EYA3: variants seen among roughly 807,000 people sequenced by gnomAD.
EYA3 encodes protein phosphatase EYA3.
In EYA3, 39 loss-of-function variants were observed where a neutral mutation model predicts 80.0. The observed-to-expected ratio is 0.49, with a 90% CI of 0.38 to 0.64. The LOEUF (loss-of-function observed/expected upper bound fraction) is 0.64. Among genes scored for constraint, EYA3 ranks in the 30% least tolerant of loss-of-function variants. The pLI is 0.00. For missense variants in EYA3, 523 were observed against 676.1 expected (o/e 0.77, Z 2.51); for synonymous variants, 206 against 232.8 (o/e 0.88, Z 1.05).
chr1:28,044,401 T>C (rs755068782), intron 3 of EYA3, among the ~76,000 whole-genome samples: 4 of 152,242 alleles, frequency 2.6e-5, no homozygotes, highest in Non-Finnish European at 5.9e-5. Flanking sequence ...CTAATAAGTT[T>C]ACATTTAGAG....
In EYA3 at chr1:28,017,224, G is replaced by C. The variant is rs1456424686; in HGVS notation, c.515C>G (p.Ala172Gly). The C allele has an allele frequency of 1.9e-6, 3 of 1,613,544 alleles. No homozygotes were observed. In the Admixed American group the frequency reaches 5.0e-5, roughly 27 times the overall value. Residue 172 changes from alanine to glycine, a missense_variant, in exon 8 of 18, where the codon GCC becomes GGC. Ala to Gly is a moderately conservative substitution (Grantham distance 60). Transcript: ENST00000373871. Reference protein sequence around the residue: ...SYPIQASSTNASLISTSSTIA... With the variant: ...SYPIQASSTNGSLISTSSTIA... ...TGTAGAAGAAGTAGATATCAGGCTG[G>C]CATTTGTGCTTGAAGCTAGAGGATT...
intron 3 of EYA3, among the ~76,000 whole-genome samples, chr1:28,045,614 G>A (rs2148870570): frequency 6.6e-6 from 1 of 152,168 alleles, no homozygotes; most frequent in African/African-American, 2.4e-5. Context: ...AGAATAAATA[G>A]AAACAACAGC....
intron 16 of EYA3, among the ~76,000 whole-genome samples, chr1:27,983,837 T>C (rs1639471682): frequency 6.6e-6 from 1 of 152,338 alleles, no homozygotes; most frequent in South Asian, 2.1e-4. Context: ...GTATTTTTAG[T>C]AGAGACAGGG....
chr1:28,020,715 T>TGTGTGTGTGA (rs1491052671), intron 7 of EYA3, among the ~76,000 whole-genome samples: 1 of 138,992 alleles, frequency 7.2e-6, no homozygotes, highest in African/African-American at 2.6e-5. Flanking sequence ...TGTGTGTGTG[T>TGTGTGTGTGA]GAATAAAAAT....
intron 1 of EYA3, among the ~76,000 whole-genome samples, chr1:28,086,213 G>A (rs934101361): frequency 1.3e-5 from 2 of 148,776 alleles, no homozygotes; most frequent in East Asian, 2.0e-4. Flanking sequence ...AACTGTTTAA[G>A]TTGTAATTTC....
In EYA3 at chr1:27,971,536, G is replaced by C. The variant is rs779948029; in HGVS notation, c.*2930C>G. ...TTGAACCTGGGAGGCGGAGGTTGCA[G>C]TGAGCCGAGATCATGCCACTGTACT... is the stretch of plus-strand genomic sequence containing the variant. On this transcript the variant is annotated 3_prime_UTR_variant, in exon 18 of 18. Coordinates refer to ENST00000373871, the MANE Select transcript of EYA3 (RefSeq NM_001990.4). 1.3e-5 allele frequency: 2 copies of C among 149,418 alleles called. No individual in the cohort carries two copies. The highest frequency in any genetic ancestry group is 2.9e-5 in the Non-Finnish European group (2 of 67,862). The allele number at this position is 149,418 out of a possible 1,614,324, so 9.3% of individuals were successfully genotyped here.
At position 28,048,442 on chromosome 1, in the gene EYA3, T is replaced by C. The variant is rs1313119923; in HGVS notation, c.34-16A>G. On this transcript the variant is annotated splice_polypyrimidine_tract_variant and intron_variant, in intron 2 of 17. Transcript: ENST00000373871. ...CTTTTTTCACCTGCAAAAATAAATA[T>C]ACAAAGGTATCAATGTACTTGATCT... is the stretch of plus-strand genomic sequence containing the variant. The C allele has an allele frequency of 6.2e-7, 1 of 1,605,352 alleles. No homozygotes were observed.
intron 17 of EYA3, chr1:27,977,469 A>T: frequency 4.5e-6 from 6 of 1,342,136 alleles, no homozygotes; most frequent in Non-Finnish European, 6.1e-6. Flanking sequence ...CAAAGAGGAT[A>T]ATTGTTCAAA....
At chr1:28,070,689 A>G (rs2148928730) in intron 1 of EYA3, among the ~76,000 whole-genome samples, 1 of 152,326 alleles carries the variant, frequency 6.6e-6, no homozygotes, top group South Asian at 2.1e-4. Flanking sequence ...ATAATTGTCA[A>G]GTTTGCCTCT....
intron 6 of EYA3, among the ~76,000 whole-genome samples, chr1:28,031,426 G>T (rs1231329971): frequency 6.6e-6 from 1 of 152,190 alleles, no homozygotes; most frequent in Non-Finnish European, 1.5e-5. Flanking sequence ...AGTTTCTCAA[G>T]TACTTTTAAG....
chr1:27,977,396 G>A (rs1035046309), intron 17 of EYA3: 5 of 1,549,698 alleles, frequency 3.2e-6, no homozygotes, highest in Non-Finnish European at 4.4e-6. Flanking sequence ...GTTGCTGGAA[G>A]AAAATAAATT....
intron 10 of EYA3, among the ~76,000 whole-genome samples, chr1:28,006,934 C>CTTTTTTTTTTT (rs58401673): frequency 2.2e-5 from 2 of 91,998 alleles, no homozygotes; most frequent in African/African-American, 8.8e-5. Flanking sequence ...ATGACATAAT[C>CTTTTTTTTTTT]TTTTTTTTTT....
At chr1:28,006,638 G>A (rs1467463144) in intron 10 of EYA3, among the ~76,000 whole-genome samples, 8 of 151,794 alleles carry the variant, frequency 5.3e-5, no homozygotes, top group Admixed American at 3.3e-4. Context: ...CCTGGGAAGC[G>A]GAGGTTGCAG....
chr1:28,086,280 C>G lies in EYA3; in HGVS notation c.-69+2244G>C, dbSNP rs545878076. ...GCCTTGTGGAGCGCAGTGATGTGAT[C>G]ACAGCTCACTGTAACCTCAAAATCT... On this transcript the variant is annotated intron_variant, in intron 1 of 17. Coordinates refer to ENST00000373871, the MANE Select transcript of EYA3 (RefSeq NM_001990.4). Among the ~76,000 whole-genome samples, 35 of 151,256 alleles carry G rather than the reference C, an allele frequency of 2.3e-4. No homozygotes were observed. The South Asian group carries it at 7.1e-3, about 31-fold the overall frequency.
intron 1 of EYA3, among the ~76,000 whole-genome samples, chr1:28,077,011 G>A (rs1645239653): frequency 6.6e-6 from 1 of 151,250 alleles, no homozygotes; most frequent in Admixed American, 6.6e-5. Flanking sequence ...AAAGTGCTGG[G>A]ATTACAGGTG....
chr1:28,038,439 T>TAAAAAAAAAAAAAAAAA lies in EYA3; in HGVS notation c.224+383_224+399dup, dbSNP rs74525723. ...CAACAAACAGAGTGAGATTCTATCT[T>TAAAAAAAAAAAAAAAAA]AAAAAAAAAAAAAAAAAAAAAAAAA... is the stretch of plus-strand genomic sequence containing the variant. On this transcript the variant is annotated intron_variant, in intron 5 of 17. Transcript: ENST00000373871. 1.5e-4 allele frequency among the ~76,000 whole-genome samples: 10 copies of TAAAAAAAAAAAAAAAAA among 68,500 alleles called. 1 individual carries two copies. The highest frequency in any genetic ancestry group is 3.4e-4 in the African/African-American group (6 of 17,576). 44.9% of individuals were successfully genotyped at this position (68,500 alleles called of 152,430 possible).
chr1:28,060,056 TACA>T (rs766707575), intron 1 of EYA3, among the ~76,000 whole-genome samples: 79 of 152,134 alleles, frequency 5.2e-4, no homozygotes, highest in Non-Finnish European at 9.0e-4. Context: ...ATAGAAAACT[TACA>T]ACATTACATG....
intron 1 of EYA3, among the ~76,000 whole-genome samples, chr1:28,070,616 C>T (rs554884458): frequency 1.3e-4 from 18 of 142,628 alleles, no homozygotes; most frequent in African/African-American, 4.2e-4. Context: ...GTACATACAG[C>T]TGAAAAAAAA....
intron 13 of EYA3, among the ~76,000 whole-genome samples, chr1:27,996,297 G>T (rs1291439138): frequency 6.6e-6 from 1 of 152,126 alleles, no homozygotes; most frequent in African/African-American, 2.4e-5. Context: ...TGAACAACTT[G>T]GTTCAATCAA....
Sources: gnomAD v4.1 joint callset for allele counts (sites outside exome capture counted in the v4.1 genomes callset) on GRCh38, gnomAD v4.1.1 for gene constraint, MANE v1.5 for transcripts, NCBI Gene and HGNC (gene_info 2026-07-23, HGNC 2026-07-21) for gene names.